Variants in CCL17 observed in about 807,000 individuals in gnomAD.
The protein encoded by CCL17 is C-C motif chemokine ligand 17, also known as C-C motif chemokine 17.
CCL17 carries 8 observed loss-of-function variants against 7.4 expected under a neutral mutation model. The ratio of observed to expected loss-of-function variants is 1.09; its 90% CI spans 0.64 to 1.96. CCL17 has a LOEUF of 1.96. Among genes scored for constraint, CCL17 ranks in the 30% most tolerant of loss-of-function variants. CCL17 has a pLI of 0.00. For missense variants in CCL17, 102 were observed against 113.0 expected (o/e 0.90, Z 0.44); for synonymous variants, 40 against 46.1 (o/e 0.87, Z 0.54).
Position 57,404,837 on chromosome 16 carries a change from G to C in CCL17, c.-60+1G>C, listed in dbSNP as rs1902670941. ...ATGGGAGAGCTGAATTCAAAACCAG[G>C]TGACCTGACCTAGAGTCTTTGCTCC... On this transcript the variant is annotated splice_donor_variant, in intron 1 of 3. Coordinates refer to ENST00000219244, the MANE Select transcript of CCL17 (RefSeq NM_002987.3). LOFTEE classifies it low-confidence loss of function (5UTR_SPLICE). The C allele has an allele frequency of 6.5e-6, 1 of 154,358 alleles. No individual in the cohort carries two copies. The highest frequency in any genetic ancestry group is 2.4e-5 in the African/African-American group (1 of 41,482). The allele number at this position is 154,358 out of a possible 1,614,324, so 9.6% of individuals were successfully genotyped here.
the CCL17 span, among the ~76,000 whole-genome samples, chr16:57,399,373 G>C: frequency 6.6e-6 from 1 of 152,238 alleles, no homozygotes; most frequent in Non-Finnish European, 1.5e-5. Flanking sequence ...GGCCTGGGGA[G>C]AGGTGGAGGA....
At chr16:57,399,856 G>T (rs1902566870), upstream of CCL17, among the ~76,000 whole-genome samples, 1 of 152,158 alleles carries the variant, frequency 6.6e-6, no homozygotes, top group Non-Finnish European at 1.5e-5. Flanking sequence ...ATGAGCTCGT[G>T]CTCATAGTGT....
chr16:57,411,760 T>C (rs1902788073), intron 1 of CCL17, among the ~76,000 whole-genome samples: 1 of 152,176 alleles, frequency 6.6e-6, no homozygotes, highest in Admixed American at 6.5e-5. Context: ...CCTGCACCTC[T>C]GGGCTCAGGC....
chr16:57,412,429 C>G (rs16956817), intron 1 of CCL17, among the ~76,000 whole-genome samples: 1 of 152,162 alleles, frequency 6.6e-6, no homozygotes, highest in Non-Finnish European at 1.5e-5. Context: ...TAGCTCTGAG[C>G]GATGCTCCAG....
chr16:57,403,430 A>G (rs192616288), upstream of CCL17, among the ~76,000 whole-genome samples: 9 of 16,352 alleles, frequency 5.5e-4, 1 homozygote, highest in African/African-American at 4.4e-3. Context: ...ATTATAATAT[A>G]TATTATAATA....
chr16:57,414,883 A>G (rs1902843771), intron 2 of CCL17, among the ~76,000 whole-genome samples, 198 bp from the exon 3 acceptor site: 1 of 152,038 alleles, frequency 6.6e-6, no homozygotes, highest in Admixed American at 6.6e-5. Flanking sequence ...CAACATACAC[A>G]GAAGCCTCAC....
At position 57,415,317 on chromosome 16, in the gene CCL17, A is replaced by C; in HGVS notation, c.188+119A>C. 1 of 711,584 alleles carries C rather than the reference A, an allele frequency of 1.4e-6. No homozygotes were observed. The highest frequency in any genetic ancestry group is 2.5e-6 in the Non-Finnish European group (1 of 394,678). The allele number at this position is 711,584 out of a possible 1,614,324, so 44.1% of individuals were successfully genotyped here. A position where few individuals can be genotyped will look rare whatever the true frequency, so the allele number is the denominator to read the frequency against. On this transcript the variant is annotated intron_variant, in intron 3 of 3. Coordinates refer to ENST00000219244, the MANE Select transcript of CCL17 (RefSeq NM_002987.3). The surrounding 1 kb of genome is among the most constrained non-coding windows in gnomAD (Gnocchi z 4.5). ...AGAGACAGCGGGGCCTTCCTCCCCA[A>C]CCCCTGCAGGCTCCCCACACTGTGG...
At chr16:57,412,980 G>A (rs1422442632) in intron 1 of CCL17, among the ~76,000 whole-genome samples, 9 of 152,146 alleles carry the variant, frequency 5.9e-5, no homozygotes, top group Admixed American at 1.3e-4. Flanking sequence ...GTGGACTTAC[G>A]TTCTGTCATC....
At chr16:57,403,024 A>C (rs1253688226), upstream of CCL17, among the ~76,000 whole-genome samples, 2 of 137,024 alleles carry the variant, frequency 1.5e-5, no homozygotes, top group East Asian at 4.0e-4. Context: ...TTTCAGCAAA[A>C]AAAAAAAAAA....
the CCL17 span, among the ~76,000 whole-genome samples, chr16:57,397,510 G>C: frequency 1.2e-3 from 181 of 152,324 alleles, no homozygotes; most frequent in African/African-American, 4.3e-3. Flanking sequence ...CCACCTGGCA[G>C]CAATTTTGAC....
chr16:57,414,451 C>T (rs1394298817), intron 2 of CCL17, among the ~76,000 whole-genome samples: 7 of 105,866 alleles, frequency 6.6e-5, no homozygotes, highest in Admixed American at 1.5e-4. Flanking sequence ...TGGAGTCTTG[C>T]GCTGTCGCCC....
chr16:57,411,560 C>T (rs1439654118), intron 1 of CCL17, among the ~76,000 whole-genome samples: 1 of 152,226 alleles, frequency 6.6e-6, no homozygotes, highest in Admixed American at 6.5e-5. Flanking sequence ...AGGCTGCTCA[C>T]TTGTTATTAA....
chr16:57,410,726 G>A (rs1464264528), intron 1 of CCL17, among the ~76,000 whole-genome samples: 4 of 152,182 alleles, frequency 2.6e-5, no homozygotes, highest in Non-Finnish European at 4.4e-5. Flanking sequence ...GTTAATCCCT[G>A]GAGAGGAAAC....
chr16:57,410,216 G>A (rs1902762200), intron 1 of CCL17, among the ~76,000 whole-genome samples: 1 of 152,196 alleles, frequency 6.6e-6, no homozygotes. Flanking sequence ...GTTGGGGCAG[G>A]AACCTTCCTT....
the CCL17 span, among the ~76,000 whole-genome samples, chr16:57,397,175 C>A: frequency 6.6e-6 from 1 of 152,218 alleles, no homozygotes; most frequent in Non-Finnish European, 1.5e-5. Context: ...CCCAGAGGGG[C>A]CTTACGATGG....
chr16:57,403,489 T>TA (rs1902637756), upstream of CCL17, among the ~76,000 whole-genome samples: 3 of 1,400 alleles, frequency 2.1e-3, 1 homozygote, highest in Non-Finnish European at 0.018. Context: ...TATATAATAA[T>TA]ATATATATTA....
intron 2 of CCL17, among the ~76,000 whole-genome samples, chr16:57,414,350 C>T (rs1902832535): frequency 7.2e-6 from 1 of 137,948 alleles, no homozygotes; most frequent in Admixed American, 7.5e-5. Context: ...GTTTTATGCA[C>T]AATGAGGGAA....
chr16:57,410,919 G>A (rs1199797128), intron 1 of CCL17, among the ~76,000 whole-genome samples: 11 of 152,218 alleles, frequency 7.2e-5, no homozygotes, highest in Non-Finnish European at 1.5e-4. Flanking sequence ...GCGGGGCAAG[G>A]TAGACACAGC....
intron 1 of CCL17, among the ~76,000 whole-genome samples, chr16:57,409,622 C>T (rs1034749291): frequency 2.2e-4 from 33 of 152,236 alleles, no homozygotes; most frequent in African/African-American, 7.5e-4. Flanking sequence ...GAGAAGGAGA[C>T]GGATTCAGGA....
Sources: allele counts gnomAD v4.1 joint callset (sites outside exome capture counted in the v4.1 genomes callset), GRCh38; gene constraint gnomAD v4.1.1; non-coding constraint Gnocchi (gnomAD v3.1); transcripts MANE v1.5; gene names NCBI Gene and HGNC (gene_info 2026-07-23, HGNC 2026-07-21).